Variants in GPC1 observed in about 807,000 individuals in gnomAD.
The protein encoded by GPC1 is glypican 1.
A neutral mutation model predicts 51.5 loss-of-function variants in GPC1; 26 were observed. The ratio of observed to expected loss-of-function variants is 0.50; its 90% CI spans 0.37 to 0.70. The LOEUF is 0.70. Among genes scored for constraint, GPC1 ranks in the 30% least tolerant of loss-of-function variants. The pLI is 0.00. For missense variants in GPC1, 775 were observed against 800.5 expected (o/e 0.97, Z 0.38); for synonymous variants, 380 against 348.3 (o/e 1.09, Z -1.01).
chr2:240,456,956 C>T (rs1034724348), intron 1 of GPC1, among the ~76,000 whole-genome samples: 2 of 152,182 alleles, frequency 1.3e-5, no homozygotes, highest in Non-Finnish European at 2.9e-5. Flanking sequence ...CTGTCCTCAC[C>T]CCAGCTGGCT....
chr2:240,451,643 G>A, intron 1 of GPC1: 1 of 222,848 alleles, frequency 4.5e-6, no homozygotes, highest in Non-Finnish European at 8.9e-6. Flanking sequence ...AAGACACCGG[G>A]TCCTGGGTGT....
chr2:240,465,617 C>T lies in GPC1; in HGVS notation c.1413C>T (p.Tyr471=). The change falls in exon 8 of 9, where the codon TAC becomes TAT. Residue 471 remains tyrosine, a synonymous_variant. Coordinates refer to ENST00000264039, the MANE Select transcript of GPC1 (RefSeq NM_002081.3). ...TGACCAACCGGCTGCGCAGCGCCTA[C>T]AACGGCAACGACGTGGACTTCCAGG... ...KIMTNRLRSA[Y]NGNDVDFQDA... 1.2e-6 allele frequency: 2 copies of T among 1,612,948 alleles called. No homozygotes were observed. Among genetic ancestry groups the T allele is most frequent in the Non-Finnish European group, 1.7e-6 (2 of 1,179,954 alleles).
At chr2:240,445,922 G>C (rs1227372524) in intron 1 of GPC1, among the ~76,000 whole-genome samples, 1 of 152,200 alleles carries the variant, frequency 6.6e-6, no homozygotes, top group Non-Finnish European at 1.5e-5. Context: ...CACGTGCGTT[G>C]CCACCTCACA....
Position 240,463,378 on chromosome 2 carries a change from T to G in GPC1, c.749T>G (p.Val250Gly), listed in dbSNP as rs768250954. ...VPLGPECSRA[V>G]MKLVYCAHCL... ...CTGGGCCCGGAGTGCTCGAGAGCTGTCATGAAGCTGGTCTACTGTGCTCAC... is the reference window on the plus strand; with the variant it reads ...CTGGGCCCGGAGTGCTCGAGAGCTGGCATGAAGCTGGTCTACTGTGCTCAC... The change falls in exon 4 of 9, where the codon GTC becomes GGC. Residue 250 changes from valine (V) to glycine (G), a missense_variant. Physicochemically the swap from Val to Gly is moderately radical, Grantham distance 109. Coordinates refer to ENST00000264039, the MANE Select transcript of GPC1 (RefSeq NM_002081.3). The G allele has an allele frequency of 3.1e-6, 5 of 1,612,842 alleles. No individual in the cohort carries two copies. The highest frequency in any genetic ancestry group is 4.2e-6 in the Non-Finnish European group (5 of 1,179,894).
At position 240,464,667 on chromosome 2, in the gene GPC1, G is replaced by T. The variant is rs778077573; in HGVS notation, c.935G>T (p.Ser312Ile). ...DKFWGTSGVE[S>I]VIGSVHTWLA... is the part of the protein sequence containing the mutation. The stretch of plus-strand genomic sequence containing the variant: ...TTCTGGGGTACATCGGGTGTGGAGA[G>T]TGTCATCGGCAGCGTGCACACGTGG... The change falls in exon 5 of 9, where the codon AGT (serine) becomes ATT (isoleucine). Residue 312 changes from serine (S) to isoleucine (I), a missense_variant. By Grantham distance (142) the Ser-to-Ile change is moderately radical. Transcript: ENST00000264039. 1 of 1,613,138 alleles carries T rather than the reference G, an allele frequency of 6.2e-7. No individual in the cohort carries two copies. Among genetic ancestry groups the T allele is most frequent in the Admixed American group, 1.7e-5 (1 of 59,978 alleles).
chr2:240,438,953 C>T (rs568816550), intron 1 of GPC1, among the ~76,000 whole-genome samples: 81 of 152,278 alleles, frequency 5.3e-4, no homozygotes, highest in African/African-American at 1.9e-3. Context: ...AGCCGAGTGG[C>T]ACCCCGGGTG....
At chr2:240,451,238 T>C (rs886694101) in intron 1 of GPC1, 38 of 471,170 alleles carry the variant, frequency 8.1e-5, no homozygotes, top group African/African-American at 7.0e-4. Flanking sequence ...CTCTGCCTGG[T>C]TGGCATTCAC....
At chr2:240,453,865 C>T (rs1351832644) in intron 1 of GPC1, among the ~76,000 whole-genome samples, 2 of 152,170 alleles carry the variant, frequency 1.3e-5, no homozygotes, top group Admixed American at 6.5e-5. Flanking sequence ...GTTCCGCCGC[C>T]GGGGCCGGTT....
At chr2:240,464,575 G>A (rs773395884) in intron 4 of GPC1, 41 bp from the exon 5 acceptor site, 55 of 302,804 alleles carry the variant, frequency 1.8e-4, no homozygotes, top group Admixed American at 1.7e-3. Flanking sequence ...CTGTGTGCGC[G>A]CGTTAACGCC....
chr2:240,461,336 G>C (rs937324007), intron 2 of GPC1, among the ~76,000 whole-genome samples: 2 of 152,200 alleles, frequency 1.3e-5, no homozygotes, highest in African/African-American at 4.8e-5. Flanking sequence ...TGCTACCCTG[G>C]AGCACCTTGT....
In GPC1 at chr2:240,462,481, C is replaced by A. The variant is rs982192720; in HGVS notation, c.616C>A (p.Pro206Thr). 5.0e-6 allele frequency: 8 copies of A among 1,601,278 alleles called. No homozygotes were observed. Among genetic ancestry groups the A allele is most frequent in the Non-Finnish European group, 6.8e-6 (8 of 1,175,446 alleles). The part of the protein sequence containing the change: ...AEALRPFGEA[P>T]RELRLRATRA... ...GGCGCTGCGGCCCTTCGGGGAGGCC[C>A]CGAGAGAGCTGCGCCTGCGGGCCAC... Residue 206 changes from proline to threonine, a missense_variant, in exon 3 of 9, where the codon CCG (proline) becomes ACG (threonine). Physicochemically the swap from Pro to Thr is conservative, Grantham distance 38 (BLOSUM62 -1). Coordinates refer to ENST00000264039, the MANE Select transcript of GPC1 (RefSeq NM_002081.3).
chr2:240,436,502 G>C (rs1297240641), intron 1 of GPC1, among the ~76,000 whole-genome samples: 1 of 152,086 alleles, frequency 6.6e-6, no homozygotes, highest in Non-Finnish European at 1.5e-5. Context: ...GCGCTGTGGG[G>C]CTCGGCGTGG....
At chr2:240,459,661 G>A (rs995331114) in intron 2 of GPC1, among the ~76,000 whole-genome samples, 3 of 152,154 alleles carry the variant, frequency 2.0e-5, no homozygotes, top group Non-Finnish European at 4.4e-5. Context: ...GCCTGCCTGG[G>A]GTGGCCGCCA....
rs544981285 is a variant in GPC1, at chr2:240,448,067, G to A, written c.167-10963G>A. Among the ~76,000 whole-genome samples, 25 of 152,252 alleles carry A rather than the reference G, an allele frequency of 1.6e-4. No individual in the cohort carries two copies. Among genetic ancestry groups the A allele is most frequent in the African/African-American group, 5.5e-4 (23 of 41,540 alleles). ...CCCCAGGGCACAGTGACAGTGGAACGGCCGGAGGCGCTCTCGAGCCCGCCT... is the reference window on the plus strand; with the variant it reads ...CCCCAGGGCACAGTGACAGTGGAACAGCCGGAGGCGCTCTCGAGCCCGCCT... On this transcript the variant is annotated intron_variant, in intron 1 of 8. Coordinates refer to ENST00000264039, the MANE Select transcript of GPC1 (RefSeq NM_002081.3). This position sits in a 1 kb window ranked among gnomAD's most constrained non-coding sequence, Gnocchi z 4.5.
chr2:240,446,370 A>G (rs13424854), intron 1 of GPC1, among the ~76,000 whole-genome samples: 27,580 of 152,268 alleles, frequency 0.18, 2,643 homozygotes, highest in South Asian at 0.26. Flanking sequence ...TGCTCTCTGG[A>G]CGCAGTTAGC....
At chr2:240,456,095 G>A (rs146184685) in intron 1 of GPC1, 121 of 301,072 alleles carry the variant, frequency 4.0e-4, no homozygotes, top group African/African-American at 2.5e-3. Context: ...CTGGAACAAC[G>A]CAGGTCGCCG....
Position 240,462,490 on chromosome 2 carries a change from C to A in GPC1, c.625C>A (p.Leu209Met). The A allele has an allele frequency of 6.3e-7, 1 of 1,597,942 alleles. No individual in the cohort carries two copies. The highest frequency in any genetic ancestry group is 8.5e-7 in the Non-Finnish European group (1 of 1,173,516). Reference sequence around the variant, plus strand: ...GCCCTTCGGGGAGGCCCCGAGAGAGCTGCGCCTGCGGGCCACCCGTGCCTT... The same window carrying A: ...GCCCTTCGGGGAGGCCCCGAGAGAGATGCGCCTGCGGGCCACCCGTGCCTT... ...LRPFGEAPRE[L>M]RLRATRAFVA... The change falls in exon 3 of 9, where the codon CTG (leucine) becomes ATG (methionine). Residue 209 changes from leucine (L) to methionine (M), a missense_variant. Leu to Met is a conservative substitution (Grantham distance 15, BLOSUM62 2). Transcript: ENST00000264039.
At chr2:240,465,019 C>G (rs1477264547) in intron 6 of GPC1, 44 bp downstream of exon 6, 3 of 1,576,592 alleles carry the variant, frequency 1.9e-6, no homozygotes, top group Middle Eastern at 1.7e-4. Context: ...ATGAGGGAGG[C>G]AGACAGGCAG....
chr2:240,462,035 C>T (rs1430981416), intron 2 of GPC1, among the ~76,000 whole-genome samples, 156 bp from the exon 3 acceptor site: 1 of 152,050 alleles, frequency 6.6e-6, no homozygotes, highest in Non-Finnish European at 1.5e-5. Context: ...CCCATGGATG[C>T]CCACAGGGCC....
Sources: allele counts gnomAD v4.1 joint callset (sites outside exome capture counted in the v4.1 genomes callset), GRCh38; gene constraint gnomAD v4.1.1; non-coding constraint Gnocchi (gnomAD v3.1); transcripts MANE v1.5; gene names NCBI Gene and HGNC (gene_info 2026-07-23, HGNC 2026-07-21).